Variants in TLN2 observed in about 807,000 individuals in gnomAD.
The protein encoded by TLN2 is talin-2.
Under a neutral mutation model 294.7 loss-of-function variants are expected in TLN2, and 118 were observed. The ratio of observed to expected loss-of-function variants is 0.40; its 90% CI spans 0.34 to 0.47. TLN2 has a LOEUF of 0.47. Ranked by LOEUF, TLN2 falls within the 20% of genes least tolerant of loss-of-function variation. The pLI is 0.84. For missense variants in TLN2, 3,083 were observed against 3,282.2 expected, an observed-to-expected ratio of 0.94 and a Z score of 1.48; for synonymous variants, 1,431 against 1,304.5, an observed-to-expected ratio of 1.10 and a Z score of -2.09.
At chr15:62,475,379 A>C (rs2037731647) in intron 1 of TLN2, among the ~76,000 whole-genome samples, 1 of 152,192 alleles carries the variant, frequency 6.6e-6, no homozygotes, top group African/African-American at 2.4e-5. Context: ...TTGACTGAAG[A>C]TCTGCAAAGT....
chr15:62,730,408 A>T (rs940044467), intron 28 of TLN2, among the ~76,000 whole-genome samples: 6 of 152,040 alleles, frequency 3.9e-5, no homozygotes, highest in African/African-American at 1.4e-4. Context: ...GATAGTCCTT[A>T]TTCATTTGGA....
chr15:62,740,533 A>G (rs1250187618), intron 31 of TLN2, 97 bp from the exon 32 acceptor site: 2 of 1,535,918 alleles, frequency 1.3e-6, no homozygotes, highest in African/African-American at 2.7e-5. Context: ...TATACGGATA[A>G]CCTGCCTGCA....
At chr15:62,561,123 G>A (rs913606986) in intron 1 of TLN2, among the ~76,000 whole-genome samples, 37 of 152,322 alleles carry the variant, frequency 2.4e-4, no homozygotes, top group African/African-American at 8.7e-4. Context: ...TGTGCCTTGC[G>A]ACTTCATTAG....
chr15:62,434,797 C>T (rs1028026394), intron 1 of TLN2, among the ~76,000 whole-genome samples: 3 of 152,174 alleles, frequency 2.0e-5, no homozygotes, highest in African/African-American at 7.2e-5. Context: ...TTCAGGGGAA[C>T]ATGTGCAGGA....
intron 2 of TLN2, among the ~76,000 whole-genome samples, chr15:62,606,199 A>T (rs531681389): frequency 6.6e-6 from 1 of 151,566 alleles, no homozygotes; most frequent in South Asian, 2.1e-4. Flanking sequence ...TTCCTGCCTC[A>T]GCCTCCCATG....
rs2040536840 is a variant in TLN2, at chr15:62,522,944, ACAC to A, written c.-237-66742_-237-66740del. 5.9e-5 allele frequency among the ~76,000 whole-genome samples: 4 copies of A among 67,852 alleles called. No individual in the cohort carries two copies. The East Asian group carries it at 1.3e-3, about 22-fold the overall frequency. The allele number at this position is 67,852 out of a possible 152,430, so 44.5% of individuals were successfully genotyped here. A position where few individuals can be genotyped will look rare whatever the true frequency, so the allele number is the denominator to read the frequency against. ...GTGGTCTGCCCTGAATGTGGCTTAC[ACAC>A]ACACACACACACACACACACACACA... On this transcript the variant is annotated intron_variant, in intron 1 of 58. Coordinates refer to ENST00000636159, the MANE Select transcript of TLN2 (RefSeq NM_015059.3).
intron 52 of TLN2, among the ~76,000 whole-genome samples, chr15:62,817,318 A>C (rs4775545): frequency 0.97 from 148,463 of 152,332 alleles, 72,441 homozygotes; most frequent in Middle Eastern, 1. Context: ...CTCATTAATT[A>C]ATTTGTTCAT....
intron 1 of TLN2, among the ~76,000 whole-genome samples, chr15:62,535,250 C>T (rs2041269876): frequency 6.6e-6 from 1 of 152,170 alleles, no homozygotes; most frequent in African/African-American, 2.4e-5. Context: ...TCAAGTGCCA[C>T]TGGGGCACTT....
chr15:62,427,833 C>T (rs1158346394), intron 1 of TLN2, among the ~76,000 whole-genome samples: 1 of 152,148 alleles, frequency 6.6e-6, no homozygotes. Flanking sequence ...TGGCTGTTGC[C>T]CTCCAAACTC....
rs546895492 is a variant in TLN2, at chr15:62,631,659, CT to C, written c.-37+13187del. On this transcript the variant is annotated intron_variant, in intron 3 of 58. Coordinates refer to ENST00000636159, the MANE Select transcript of TLN2 (RefSeq NM_015059.3). ...TCTTTCTCTTTCTTTCCTTCTTTTT[CT>C]TTCTTTCTCTTTCCTCCTCTCTTTC... Among the ~76,000 whole-genome samples the C allele has an allele frequency of 3.1e-3, 425 of 138,212 alleles. 1 individual carries two copies. Among genetic ancestry groups the C allele is most frequent in the Non-Finnish European group, 5.1e-3 (318 of 61,986 alleles). The allele number at this position is 138,212 out of a possible 152,430, so 90.7% of individuals were successfully genotyped here. A position where few individuals can be genotyped will look rare whatever the true frequency, so the allele number is the denominator to read the frequency against.
At chr15:62,741,671 G>T (rs1459313911) in intron 32 of TLN2, among the ~76,000 whole-genome samples, 1 of 151,328 alleles carries the variant, frequency 6.6e-6, no homozygotes, top group Non-Finnish European at 1.5e-5. Context: ...TTTTTATAAT[G>T]TGCAGATTCG....
At chr15:62,600,458 C>A (rs2046899517) in intron 2 of TLN2, among the ~76,000 whole-genome samples, 1 of 152,174 alleles carries the variant, frequency 6.6e-6, no homozygotes, top group South Asian at 2.1e-4. Flanking sequence ...TAGCCTGCTG[C>A]TAAGCAGTTG....
At chr15:62,395,889 G>GC (rs2032503993) in intron 1 of TLN2, among the ~76,000 whole-genome samples, 1 of 152,052 alleles carries the variant, frequency 6.6e-6, no homozygotes, top group South Asian at 2.1e-4. Context: ...AGACTGGACT[G>GC]CAGTGGCTTG....
At chr15:62,528,227 T>A (rs1045979235) in intron 1 of TLN2, among the ~76,000 whole-genome samples, 1 of 152,228 alleles carries the variant, frequency 6.6e-6, no homozygotes, top group Non-Finnish European at 1.5e-5. Flanking sequence ...TCAAAACATA[T>A]GTAATCATTT....
At chr15:62,454,307 C>T (rs377442892) in intron 1 of TLN2, among the ~76,000 whole-genome samples, 6 of 152,058 alleles carry the variant, frequency 3.9e-5, no homozygotes, top group African/African-American at 1.5e-4. Context: ...GGTGAGGGGG[C>T]ACTTCGGGAC....
chr15:62,641,827 C>G (rs1424036130), intron 3 of TLN2, among the ~76,000 whole-genome samples: 1 of 152,118 alleles, frequency 6.6e-6, no homozygotes, highest in Non-Finnish European at 1.5e-5. Context: ...CAGGGCACTT[C>G]GTGGTCCTCC....
chr15:62,415,792 C>CACTAAGCTA (rs1346693651), intron 1 of TLN2, among the ~76,000 whole-genome samples: 4 of 152,174 alleles, frequency 2.6e-5, no homozygotes, highest in African/African-American at 9.7e-5. Flanking sequence ...GAGAGATTGT[C>CACTAAGCTA]ACTAAGCTAT....
At chr15:62,777,982 C>T (rs2063837533) in intron 43 of TLN2, among the ~76,000 whole-genome samples, 2 of 152,222 alleles carry the variant, frequency 1.3e-5, no homozygotes, top group Non-Finnish European at 2.9e-5. Context: ...GAATTTTAGA[C>T]ATCGTCTATG....
chr15:62,713,284 A>C (rs1311879646), intron 22 of TLN2, among the ~76,000 whole-genome samples: 8 of 144,408 alleles, frequency 5.5e-5, no homozygotes, highest in Admixed American at 4.1e-4. Flanking sequence ...AAAAAAAAAA[A>C]AAAAACAAAA....
Sources: allele counts gnomAD v4.1 joint callset (sites outside exome capture counted in the v4.1 genomes callset), GRCh38; gene constraint gnomAD v4.1.1; transcripts MANE v1.5; gene names NCBI Gene and HGNC (gene_info 2026-07-23, HGNC 2026-07-21).